NALCN: variants seen among roughly 807,000 people sequenced by gnomAD.
NALCN encodes the protein sodium leak channel, non-selective.
NALCN carries 111 observed loss-of-function variants against 225.3 expected under a neutral mutation model. The ratio of observed to expected loss-of-function variants is 0.49; its 90% confidence interval spans 0.42 to 0.58. The LOEUF is 0.58. NALCN is among the 20% of genes least tolerant of loss of function. The pLI, the probability that NALCN is intolerant of heterozygous loss-of-function variation, is 0.00. For missense variants in NALCN, 1,378 were observed against 2,202.4 expected (o/e 0.63, Z 7.49); for synonymous variants, 764 against 769.0 (o/e 0.99, Z 0.11).
chr13:101,197,385 G>A (rs1191424453), intron 13 of NALCN, among the ~76,000 whole-genome samples: 1 of 151,834 alleles, frequency 6.6e-6, no homozygotes, highest in African/African-American at 2.4e-5. Context: ...GCATGAAATT[G>A]TAGCTCTTCC....
intron 1 of NALCN, among the ~76,000 whole-genome samples, chr13:101,411,930 T>C (rs1390560872): frequency 6.6e-6 from 1 of 152,210 alleles, no homozygotes; most frequent in African/African-American, 2.4e-5. Flanking sequence ...TTTTCAGGAC[T>C]ACAGATTTTC....
intron 7 of NALCN, among the ~76,000 whole-genome samples, chr13:101,294,886 TA>T (rs1372944792): frequency 3.9e-5 from 6 of 152,168 alleles, no homozygotes; most frequent in African/African-American, 1.4e-4. Context: ...AGCAAGGTAT[TA>T]ATCAGCAGTA....
intron 27 of NALCN, 147 bp from the exon 28 acceptor site, chr13:101,095,827 G>C (rs969532695): frequency 1.5e-6 from 1 of 647,142 alleles, no homozygotes; most frequent in Non-Finnish European, 2.6e-6. Flanking sequence ...CCAGCAAATA[G>C]TAACAAAGAC....
At chr13:101,340,637 A>G (rs1235260439) in intron 7 of NALCN, among the ~76,000 whole-genome samples, 1 of 152,170 alleles carries the variant, frequency 6.6e-6, no homozygotes, top group Non-Finnish European at 1.5e-5. Flanking sequence ...TTACTTTCCT[A>G]AGGCTGTCAC....
intron 17 of NALCN, among the ~76,000 whole-genome samples, chr13:101,136,289 G>A (rs900033315): frequency 2.7e-4 from 26 of 95,588 alleles, no homozygotes; most frequent in African/African-American, 6.1e-4. Flanking sequence ...AGTACGCATC[G>A]TTTTATTTAT....
intron 17 of NALCN, among the ~76,000 whole-genome samples, chr13:101,140,418 T>A (rs1426735272): frequency 6.6e-6 from 1 of 152,160 alleles, no homozygotes; most frequent in East Asian, 1.9e-4. Context: ...AACTCATATT[T>A]CAATTTTGTG....
At chr13:101,374,299 G>C (rs1471125816) in intron 6 of NALCN, among the ~76,000 whole-genome samples, 3 of 134,606 alleles carry the variant, frequency 2.2e-5, no homozygotes, top group African/African-American at 8.8e-5. Flanking sequence ...TTTTTGAGAC[G>C]GAGTCTTGCT....
intron 11 of NALCN, among the ~76,000 whole-genome samples, chr13:101,238,543 A>C (rs1414660580): frequency 2.0e-5 from 3 of 151,966 alleles, no homozygotes; most frequent in Non-Finnish European, 4.4e-5. Flanking sequence ...CATGCATTCT[A>C]TGAATTTACT....
chr13:101,110,213 T>C (rs1049036237), intron 20 of NALCN, among the ~76,000 whole-genome samples: 1 of 152,096 alleles, frequency 6.6e-6, no homozygotes, highest in African/African-American at 2.4e-5. Context: ...GAAATAAAAT[T>C]TCACTTCCTA....
chr13:101,176,442 TA>T (rs1310281727), intron 14 of NALCN, 68 bp from the exon 15 acceptor site: 1 of 1,123,250 alleles, frequency 8.9e-7, no homozygotes, highest in East Asian at 2.7e-5. Flanking sequence ...ATATGTATAA[TA>T]TAGCTACCTA....
chr13:101,316,722 ATTAATGTT>A (rs2044565464), intron 7 of NALCN, among the ~76,000 whole-genome samples: 1 of 152,182 alleles, frequency 6.6e-6, no homozygotes, highest in Admixed American at 6.5e-5. Flanking sequence ...CAAGGAGAAA[ATTAATGTT>A]CAGTTTATAT....
chr13:101,068,346 T>C (rs1320437967), intron 38 of NALCN, among the ~76,000 whole-genome samples: 1 of 152,192 alleles, frequency 6.6e-6, no homozygotes, highest in African/African-American at 2.4e-5. Flanking sequence ...AATTGAGTTC[T>C]GGGTGGGCCC....
intron 15 of NALCN, among the ~76,000 whole-genome samples, chr13:101,174,929 G>C (rs1191550963): frequency 6.6e-6 from 1 of 152,184 alleles, no homozygotes; most frequent in African/African-American, 2.4e-5. Context: ...ATGGACTAAA[G>C]TGGTTCTACA....
intron 6 of NALCN, among the ~76,000 whole-genome samples, chr13:101,356,494 C>T (rs2046065540): frequency 6.6e-6 from 1 of 151,228 alleles, no homozygotes; most frequent in Admixed American, 6.6e-5. Context: ...AAGAAGTTGG[C>T]TCCCTAAATA....
chr13:101,279,136 T>G (rs902348565), intron 10 of NALCN, among the ~76,000 whole-genome samples: 1 of 152,232 alleles, frequency 6.6e-6, no homozygotes. Context: ...ATCCTTAATT[T>G]ATTTTATTAA....
chr13:101,181,411 T>G, intron 14 of NALCN: 1 of 491,796 alleles, frequency 2.0e-6, no homozygotes, highest in East Asian at 5.6e-5. Flanking sequence ...TGGGGCTTTT[T>G]GTGTGTGTGT....
intron 9 of NALCN, 87 bp downstream of exon 9, chr13:101,291,903 C>G (rs935578480): frequency 3.8e-6 from 5 of 1,328,604 alleles, no homozygotes; most frequent in Non-Finnish European, 5.4e-6. Context: ...GCCCATCATG[C>G]AAGAGCTTCC....
At chr13:101,183,377 T>C (rs2762153) in intron 14 of NALCN, among the ~76,000 whole-genome samples, 101,429 of 152,070 alleles carry the variant, frequency 0.67, 34,530 homozygotes, top group African/African-American at 0.81. Context: ...TACCTTTGTG[T>C]TTTGACTGTT....
At chr13:101,351,306 T>C (rs17486703) in intron 6 of NALCN, among the ~76,000 whole-genome samples, 2,161 of 152,302 alleles carry the variant, frequency 0.014, 42 homozygotes, top group African/African-American at 0.046. Flanking sequence ...TGTATCAAAA[T>C]GAGTACTAGA....
Sources: allele counts gnomAD v4.1 joint callset (sites outside exome capture counted in the v4.1 genomes callset), GRCh38; gene constraint gnomAD v4.1.1; transcripts MANE v1.5; gene names NCBI Gene and HGNC (gene_info 2026-07-23, HGNC 2026-07-21).